TENM1: variants seen among roughly 807,000 people sequenced by gnomAD.
TENM1 encodes teneurin-1.
In TENM1, 35 loss-of-function variants were observed where a neutral mutation model predicts 174.8. The observed-to-expected ratio is 0.20, with a 90% CI of 0.15 to 0.27. The LOEUF (loss-of-function observed/expected upper bound fraction) is 0.27, where lower values mean the gene tolerates loss of function less well. Ranked by LOEUF, TENM1 falls within the 10% of genes least tolerant of loss-of-function variation. TENM1 has a pLI of 1.00. For missense variants in TENM1, 1,633 were observed against 2,130.1 expected, an observed-to-expected ratio of 0.77 and a Z score of 4.59; for synonymous variants, 781 against 798.7, an observed-to-expected ratio of 0.98 and a Z score of 0.37.
intron 3 of TENM1, among the ~76,000 whole-genome samples, chrX:124,879,078 A>C (rs1319963853): frequency 8.9e-6 from 1 of 112,139 alleles, no homozygotes; most frequent in African/African-American, 3.2e-5. Flanking sequence ...CAATCAGTGT[A>C]TTTGGGGGTA....
intron 3 of TENM1, among the ~76,000 whole-genome samples, chrX:124,885,727 T>C (rs1383489264): frequency 9.0e-6 from 1 of 111,165 alleles, no homozygotes; most frequent in African/African-American, 3.3e-5. Flanking sequence ...AATCTATTTA[T>C]TAAAAAATAT....
intron 11 of TENM1, among the ~76,000 whole-genome samples, chrX:124,634,168 TCCA>T (rs1032592553): frequency 8.9e-6 from 1 of 111,840 alleles, no homozygotes; most frequent in Non-Finnish European, 1.9e-5. Flanking sequence ...TTGTCTTTTA[TCCA>T]CTAAAAAGCA....
chrX:125,202,740 T>G, the TENM1 span, among the ~76,000 whole-genome samples: 2 of 104,486 alleles, frequency 1.9e-5, no homozygotes, highest in Admixed American at 2.1e-4. Flanking sequence ...TGTAAACAAC[T>G]GACTGCATCG....
chrX:124,651,326 A>G (rs1225638875), intron 8 of TENM1, among the ~76,000 whole-genome samples: 2 of 111,608 alleles, frequency 1.8e-5, no homozygotes, highest in African/African-American at 6.5e-5. Context: ...TAAAAAGAAC[A>G]TGTTTTAAAA....
intron 11 of TENM1, among the ~76,000 whole-genome samples, chrX:124,567,040 A>G (rs1170293301): frequency 8.9e-6 from 1 of 112,033 alleles, no homozygotes; most frequent in Non-Finnish European, 1.9e-5. Context: ...AAGGAAAGGG[A>G]AAAATAAAAG....
At chrX:124,579,563 T>C (rs1431617263) in intron 11 of TENM1, among the ~76,000 whole-genome samples, 1 of 111,983 alleles carries the variant, frequency 8.9e-6, no homozygotes, top group Non-Finnish European at 1.9e-5. Context: ...TATACTATTA[T>C]AGAGTTTTGT....
chrX:124,652,553 T>C (rs1023350880), intron 7 of TENM1, among the ~76,000 whole-genome samples: 2 of 112,110 alleles, frequency 1.8e-5, no homozygotes, highest in Non-Finnish European at 3.8e-5. Flanking sequence ...TCTTGTTTAG[T>C]ATTATGCAGG....
chrX:124,759,371 T>G (rs1438073433), intron 3 of TENM1, among the ~76,000 whole-genome samples: 1 of 111,508 alleles, frequency 9.0e-6, no homozygotes, highest in Non-Finnish European at 1.9e-5. Context: ...TGGTATTTGG[T>G]TACATAAGTT....
At chrX:124,547,060 C>T (rs1351091480) in exon 15 of TENM1, 1 of 1,209,361 alleles carries the variant, frequency 8.3e-7, no homozygotes, top group African/African-American at 1.8e-5. Flanking sequence ...TTGTTGACAA[C>T]AGTCAGGATC....
At chrX:124,821,630 T>A (rs1436757785) in intron 3 of TENM1, among the ~76,000 whole-genome samples, 1 of 112,236 alleles carries the variant, frequency 8.9e-6, no homozygotes, top group African/African-American at 3.2e-5. Flanking sequence ...CTTGACACTC[T>A]ATTGTGAGAA....
chrX:124,884,135 A>G (rs912185720), intron 3 of TENM1, among the ~76,000 whole-genome samples: 5 of 111,223 alleles, frequency 4.5e-5, no homozygotes, highest in African/African-American at 1.6e-4. Context: ...ACAGCAGGGT[A>G]GCCTGTCATT....
chrX:125,200,317 ATG>A, the TENM1 span, among the ~76,000 whole-genome samples: 6 of 111,616 alleles, frequency 5.4e-5, no homozygotes, highest in African/African-American at 2.0e-4. Flanking sequence ...ATTGTGGTAT[ATG>A]TGAGCATTTC....
intron 7 of TENM1, among the ~76,000 whole-genome samples, chrX:124,652,658 A>C (rs1274776956): frequency 9.2e-6 from 1 of 108,153 alleles, no homozygotes; most frequent in African/African-American, 3.6e-5. Flanking sequence ...TACAAATTAA[A>C]AACAGTTGTA....
At chrX:124,664,428 A>G (rs2051688239) in intron 6 of TENM1, among the ~76,000 whole-genome samples, 1 of 108,448 alleles carries the variant, frequency 9.2e-6, no homozygotes, top group South Asian at 4.1e-4. Flanking sequence ...TGAAATAAAT[A>G]TCTGCCAAAC....
the TENM1 span, among the ~76,000 whole-genome samples, chrX:125,036,835 A>G: frequency 9.0e-6 from 1 of 111,250 alleles, no homozygotes; most frequent in African/African-American, 3.3e-5. Flanking sequence ...GACTTCTCCC[A>G]AAGAGTTTAA....
At chrX:124,526,849 C>T (rs1262923053) in intron 16 of TENM1, among the ~76,000 whole-genome samples, 2 of 112,220 alleles carry the variant, frequency 1.8e-5, no homozygotes, top group Non-Finnish European at 3.8e-5. Flanking sequence ...TTCTAGTCTT[C>T]AGAACAAAGT....
At chrX:124,395,746 C>T (rs1337385511) in intron 27 of TENM1, among the ~76,000 whole-genome samples, 1 of 111,880 alleles carries the variant, frequency 8.9e-6, no homozygotes, top group Non-Finnish European at 1.9e-5. Context: ...ACCAGGTGTT[C>T]TTGAACTACC....
chrX:124,533,796 C>T (rs987375830), intron 15 of TENM1, among the ~76,000 whole-genome samples: 1 of 111,873 alleles, frequency 8.9e-6, no homozygotes, highest in Non-Finnish European at 1.9e-5. Context: ...GCATAACTGT[C>T]GTTTGTGTTG....
intron 16 of TENM1, among the ~76,000 whole-genome samples, chrX:124,525,492 C>T (rs2047954554): frequency 8.9e-6 from 1 of 111,965 alleles, no homozygotes; most frequent in African/African-American, 3.2e-5. Context: ...CAAACCTTGA[C>T]TCTTGACTCA....
Sources: allele counts gnomAD v4.1 joint callset (sites outside exome capture counted in the v4.1 genomes callset), GRCh38; gene constraint gnomAD v4.1.1; transcripts MANE v1.5; gene names NCBI Gene and HGNC (gene_info 2026-07-23, HGNC 2026-07-21).